The following AMPH variants were observed in gnomAD, a reference collection of about 807,000 sequenced individuals.
AMPH encodes the protein amphiphysin.
In AMPH, 49 loss-of-function variants were observed where a neutral mutation model predicts 99.1. The ratio of observed to expected loss-of-function variants is 0.49; its 90% CI spans 0.39 to 0.63. The LOEUF is 0.63. AMPH is among the 20% of genes least tolerant of loss of function. The pLI is 0.00. For missense variants in AMPH, 759 were observed against 863.4 expected, an observed-to-expected ratio of 0.88 and a Z score of 1.52; for synonymous variants, 314 against 317.3, an observed-to-expected ratio of 0.99 and a Z score of 0.11.
intron 11 of AMPH, among the ~76,000 whole-genome samples, chr7:38,448,458 C>T (rs1209876249): frequency 6.6e-6 from 1 of 152,156 alleles, no homozygotes; most frequent in African/African-American, 2.4e-5. Context: ...ACATACATAC[C>T]TATGATAAAG....
chr7:38,631,173 C>A, intron 1 of AMPH, 110 bp downstream of exon 1: 11 of 993,048 alleles, frequency 1.1e-5, no homozygotes, highest in Non-Finnish European at 1.3e-5. Context: ...GGCCCCGCTC[C>A]GCAGCGCGCC....
chr7:38,477,359 T>C (rs1172464331), intron 5 of AMPH, among the ~76,000 whole-genome samples: 1 of 152,176 alleles, frequency 6.6e-6, no homozygotes, highest in Non-Finnish European at 1.5e-5. Flanking sequence ...GATTTGGTTT[T>C]ATAATTCTGA....
intron 1 of AMPH, among the ~76,000 whole-genome samples, chr7:38,543,773 CA>C (rs1790896609): frequency 6.6e-6 from 1 of 151,978 alleles, no homozygotes; most frequent in Non-Finnish European, 1.5e-5. Context: ...TAGTGTTTCC[CA>C]AAATGTGTTC....
At chr7:38,463,462 C>G (rs1787533530) in intron 9 of AMPH, among the ~76,000 whole-genome samples, 1 of 152,142 alleles carries the variant, frequency 6.6e-6, no homozygotes, top group African/African-American at 2.4e-5. Context: ...TAATGCAAGC[C>G]CTCTGTTCTT....
intron 1 of AMPH, among the ~76,000 whole-genome samples, chr7:38,580,163 C>T (rs1474947477): frequency 6.6e-6 from 1 of 152,116 alleles, no homozygotes; most frequent in Admixed American, 6.6e-5. Flanking sequence ...TTTCTACTTA[C>T]TTTTTATGCC....
At chr7:38,576,281 T>G (rs996343053) in intron 1 of AMPH, among the ~76,000 whole-genome samples, 1 of 152,208 alleles carries the variant, frequency 6.6e-6, no homozygotes, top group Non-Finnish European at 1.5e-5. Context: ...CTTCTTAATA[T>G]TGAGCTCCAC....
At chr7:38,614,614 T>C (rs1793807138) in intron 1 of AMPH, among the ~76,000 whole-genome samples, 1 of 152,212 alleles carries the variant, frequency 6.6e-6, no homozygotes, top group Admixed American at 6.5e-5. Flanking sequence ...CACATCTTTA[T>C]TTCTGGTGTT....
At chr7:38,616,888 A>T (rs1167639135) in intron 1 of AMPH, among the ~76,000 whole-genome samples, 1 of 152,184 alleles carries the variant, frequency 6.6e-6, no homozygotes, top group East Asian at 1.9e-4. Flanking sequence ...TGGAGGAGCT[A>T]ATGGATTCTG....
chr7:38,430,075 A>G (rs1785947570), intron 13 of AMPH: 1 of 527,886 alleles, frequency 1.9e-6, no homozygotes. Context: ...TGAAACACAA[A>G]GAAAGCCTCT....
intron 2 of AMPH, among the ~76,000 whole-genome samples, chr7:38,517,606 C>T (rs371639995): frequency 6.6e-6 from 1 of 152,146 alleles, no homozygotes; most frequent in Non-Finnish European, 1.5e-5. Flanking sequence ...TACAGTGATG[C>T]ACAAGGATAT....
intron 17 of AMPH, among the ~76,000 whole-genome samples, chr7:38,412,674 G>C (rs570791946): frequency 1.3e-5 from 2 of 152,328 alleles, no homozygotes; most frequent in African/African-American, 4.8e-5. Context: ...CAAAGACAGA[G>C]AGAAAGATCT....
chr7:38,606,084 T>C (rs1284894783), intron 1 of AMPH, among the ~76,000 whole-genome samples: 4 of 152,126 alleles, frequency 2.6e-5, no homozygotes, highest in Non-Finnish European at 5.9e-5. Context: ...AGTAAGTAAA[T>C]GGGAGAGCTG....
intron 1 of AMPH, among the ~76,000 whole-genome samples, chr7:38,567,108 T>C (rs954446684): frequency 2.6e-5 from 4 of 152,214 alleles, no homozygotes; most frequent in African/African-American, 9.6e-5. Context: ...ATTGTAGCAC[T>C]ATTCACAATA....
chr7:38,432,909 T>C lies in AMPH; in HGVS notation c.1135-697A>G, dbSNP rs151286380. On this transcript the variant is annotated intron_variant, in intron 12 of 20. Coordinates refer to ENST00000356264, the MANE Select transcript of AMPH (RefSeq NM_001635.4). ...ACTGGTATTTTAATTATAAAGCTTATGAATCCCGGGGAGTGAGGCCAGATG... is the reference window on the plus strand; with the variant it reads ...ACTGGTATTTTAATTATAAAGCTTACGAATCCCGGGGAGTGAGGCCAGATG... Among the ~76,000 whole-genome samples the C allele has an allele frequency of 3.0e-4, 46 of 152,338 alleles. No homozygotes were observed. In the East Asian group the frequency reaches 8.3e-3, roughly 27 times the overall value.
chr7:38,524,303 G>C (rs917737079), intron 2 of AMPH, among the ~76,000 whole-genome samples: 50 of 152,302 alleles, frequency 3.3e-4, no homozygotes, highest in African/African-American at 1.1e-3. Context: ...TTAGTTTAAA[G>C]AAACTAATGA....
intron 1 of AMPH, among the ~76,000 whole-genome samples, chr7:38,617,196 CA>C (rs1028769497): frequency 4.0e-5 from 6 of 151,802 alleles, no homozygotes; most frequent in African/African-American, 1.5e-4. Flanking sequence ...TGTGTTACCC[CA>C]AGGGGGCTGA....
At chr7:38,415,947 T>G (rs963168103) in intron 17 of AMPH, among the ~76,000 whole-genome samples, 5 of 151,692 alleles carry the variant, frequency 3.3e-5, no homozygotes, top group Non-Finnish European at 5.9e-5. Context: ...ACCTGTGAGC[T>G]TCAGGAGAAA....
chr7:38,511,935 C>T lies in AMPH; in HGVS notation c.151-8231G>A, dbSNP rs1276385942. ...CTCAGGCTTATATCCAAGTGGTTAA[C>T]ATCATAGAACGACTCTTTAGAGACA... On this transcript the variant is annotated intron_variant, in intron 2 of 20. Coordinates refer to ENST00000356264, the MANE Select transcript of AMPH (RefSeq NM_001635.4). 2.0e-5 allele frequency among the ~76,000 whole-genome samples: 3 copies of T among 152,284 alleles called. No individual in the cohort carries two copies. In the Middle Eastern group the frequency reaches 0.01, roughly 518 times the overall value.
intron 1 of AMPH, among the ~76,000 whole-genome samples, chr7:38,590,664 C>T (rs1792823302): frequency 6.6e-6 from 1 of 152,142 alleles, no homozygotes; most frequent in African/African-American, 2.4e-5. Flanking sequence ...CTCTTTACTA[C>T]CTGATTGGTT....
Sources: allele counts gnomAD v4.1 joint callset (sites outside exome capture counted in the v4.1 genomes callset), GRCh38; gene constraint gnomAD v4.1.1; transcripts MANE v1.5; gene names NCBI Gene and HGNC (gene_info 2026-07-23, HGNC 2026-07-21).